UNC5D: variants seen among roughly 807,000 people sequenced by gnomAD.
The protein encoded by UNC5D is unc-5 netrin receptor D, also known as netrin receptor UNC5D.
UNC5D carries 39 observed loss-of-function variants against 105.4 expected under a neutral mutation model. That is an observed-to-expected ratio of 0.37 (90% CI 0.29 to 0.48). UNC5D has a LOEUF of 0.48. UNC5D is among the 20% of genes least tolerant of loss of function. The probability of loss-of-function intolerance (pLI) is 0.98; values close to 1 mark genes in which losing one functional copy is unlikely to be tolerated. For synonymous variants in UNC5D, 452 were observed against 450.4 expected, an observed-to-expected ratio of 1.00 and a Z score of -0.04; for missense variants, 991 against 1,202.4, an observed-to-expected ratio of 0.82 and a Z score of 2.60.
At chr8:35,667,173 AAACATAATAT>A (rs1824478204) in intron 4 of UNC5D, among the ~76,000 whole-genome samples, 1 of 152,172 alleles carries the variant, frequency 6.6e-6, no homozygotes, top group Non-Finnish European at 1.5e-5. Flanking sequence ...CCCTGCTTAT[AAACATAATAT>A]AGATTGCAGA....
chr8:35,781,471 CCTTCCT>C (rs1452053686), intron 16 of UNC5D, among the ~76,000 whole-genome samples: 4 of 152,072 alleles, frequency 2.6e-5, no homozygotes, highest in Non-Finnish European at 5.9e-5. Context: ...GAATAGATTT[CCTTCCT>C]ATAAACTAAC....
intron 1 of UNC5D, among the ~76,000 whole-genome samples, chr8:35,543,771 A>C (rs948169827): frequency 1.3e-5 from 2 of 152,194 alleles, no homozygotes; most frequent in Admixed American, 1.3e-4. Context: ...AGGGGTTCCT[A>C]ACACACCCAT....
intron 4 of UNC5D, among the ~76,000 whole-genome samples, chr8:35,659,017 G>A (rs1377893539): frequency 2.0e-5 from 3 of 152,162 alleles, no homozygotes; most frequent in African/African-American, 7.2e-5. Context: ...GATAGTCCAT[G>A]TGGCAGTGGA....
chr8:35,336,285 G>A (rs1478121907), intron 1 of UNC5D, among the ~76,000 whole-genome samples: 4 of 152,096 alleles, frequency 2.6e-5, no homozygotes, highest in Admixed American at 2.6e-4. Context: ...TTGCTTTGGG[G>A]ACATCATTTA....
rs374698172 is a variant in UNC5D, at chr8:35,249,443, G to A, written c.103+13556G>A. Among the ~76,000 whole-genome samples the A allele has an allele frequency of 7.5e-4, 113 of 150,464 alleles. No homozygotes were observed. The South Asian group carries it at 8.4e-3, about 11-fold the overall frequency. On this transcript the variant is annotated intron_variant, in intron 1 of 16. Transcript: ENST00000404895. ...TGTGGTGGCAGGTGCCTGTAATCCC[G>A]GCTACTCGGGAGGCTGAGGCAGGAG... is the stretch of plus-strand genomic sequence containing the variant.
intron 1 of UNC5D, among the ~76,000 whole-genome samples, chr8:35,435,381 T>C (rs2128978816): frequency 6.6e-6 from 1 of 152,210 alleles, no homozygotes; most frequent in East Asian, 1.9e-4. Flanking sequence ...ATTTCTTCAA[T>C]GCATTTCTGG....
rs1017466296 is a variant in UNC5D, at chr8:35,462,393, ATTC to A, written c.104-86894_104-86892del. Among the ~76,000 whole-genome samples the A allele has an allele frequency of 2.4e-4, 37 of 152,246 alleles. 1 individual carries two copies. The highest frequency in any genetic ancestry group is 2.4e-3 in the Admixed American group (36 of 15,274). ...TAATTTATAAATATGGTAGATCTTA[ATTC>A]TTCTGTGTGTTACAATATTATTTAA... On this transcript the variant is annotated intron_variant, in intron 1 of 16. Coordinates refer to ENST00000404895, the MANE Select transcript of UNC5D (RefSeq NM_080872.4).
chr8:35,756,450 A>G (rs550419310), intron 13 of UNC5D, among the ~76,000 whole-genome samples: 1 of 152,160 alleles, frequency 6.6e-6, no homozygotes, highest in Admixed American at 6.5e-5. Flanking sequence ...ACTCTAGGGC[A>G]AATATAGATT....
chr8:35,440,223 C>T (rs2128983069), intron 1 of UNC5D, among the ~76,000 whole-genome samples: 1 of 151,888 alleles, frequency 6.6e-6, no homozygotes, highest in East Asian at 1.9e-4. Flanking sequence ...TCCATCTGGG[C>T]TTAACTGAGA....
At chr8:35,292,826 C>T (rs897724142) in intron 1 of UNC5D, among the ~76,000 whole-genome samples, 3 of 149,228 alleles carry the variant, frequency 2.0e-5, no homozygotes, top group African/African-American at 7.4e-5. Context: ...AAGCAATTCT[C>T]CTGCCTCAGC....
intron 7 of UNC5D, among the ~76,000 whole-genome samples, chr8:35,693,578 TATTTCC>T (rs1195989348): frequency 6.6e-6 from 1 of 152,154 alleles, no homozygotes; most frequent in Non-Finnish European, 1.5e-5. Flanking sequence ...CACCATCTTC[TATTTCC>T]TCATGGATCT....
intron 11 of UNC5D, among the ~76,000 whole-genome samples, chr8:35,732,070 T>C (rs1829221997): frequency 6.6e-6 from 1 of 152,236 alleles, no homozygotes; most frequent in African/African-American, 2.4e-5. Flanking sequence ...ATAAACTGGA[T>C]ATATACCTCT....
chr8:35,489,030 G>C (rs1811020427), intron 1 of UNC5D, among the ~76,000 whole-genome samples: 1 of 151,042 alleles, frequency 6.6e-6, no homozygotes, highest in African/African-American at 2.4e-5. Flanking sequence ...TTTTTGAGAG[G>C]GAATCTCACT....
At chr8:35,271,026 A>G (rs1805244127) in intron 1 of UNC5D, among the ~76,000 whole-genome samples, 1 of 151,806 alleles carries the variant, frequency 6.6e-6, no homozygotes, top group African/African-American at 2.4e-5. Flanking sequence ...CTACATTTTT[A>G]AAATATATAC....
chr8:35,402,223 G>C, intron 1 of UNC5D, among the ~76,000 whole-genome samples: 1 of 152,080 alleles, frequency 6.6e-6, no homozygotes, highest in East Asian at 1.9e-4. Flanking sequence ...TGCTGATAAA[G>C]ACATACCCAA....
At chr8:35,435,405 A>C (rs190216278) in intron 1 of UNC5D, among the ~76,000 whole-genome samples, 4 of 152,198 alleles carry the variant, frequency 2.6e-5, no homozygotes, top group Non-Finnish European at 5.9e-5. Flanking sequence ...AAGCTGGCAA[A>C]AGAATTATGC....
intron 1 of UNC5D, among the ~76,000 whole-genome samples, chr8:35,332,467 GA>G (rs1810700202): frequency 6.6e-6 from 1 of 152,156 alleles, no homozygotes; most frequent in African/African-American, 2.4e-5. Context: ...GAATATTGTT[GA>G]AAATGAAAAG....
chr8:35,716,499 C>A (rs908388468), intron 8 of UNC5D, among the ~76,000 whole-genome samples: 1 of 152,164 alleles, frequency 6.6e-6, no homozygotes, highest in Admixed American at 6.5e-5. Flanking sequence ...GGACTACTTA[C>A]CAATCATGAG....
intron 9 of UNC5D, chr8:35,724,130 AC>A: frequency 7.0e-7 from 1 of 1,422,294 alleles, no homozygotes. Flanking sequence ...CCTGGCCTAC[AC>A]CTGTCTGGGG....
Sources: allele counts gnomAD v4.1 joint callset (sites outside exome capture counted in the v4.1 genomes callset), GRCh38; gene constraint gnomAD v4.1.1; transcripts MANE v1.5; gene names NCBI Gene and HGNC (gene_info 2026-07-23, HGNC 2026-07-21).